The following CDH4 variants were observed in gnomAD, a reference collection of about 807,000 sequenced individuals.
The protein encoded by CDH4 is cadherin-4.
A neutral mutation model predicts 86.0 loss-of-function variants in CDH4; 33 were observed. The ratio of observed to expected loss-of-function variants is 0.38; its 90% CI spans 0.29 to 0.51. The LOEUF is 0.51. Ranked by LOEUF, CDH4 falls within the 20% of genes least tolerant of loss-of-function variation. The pLI is 0.86. For missense variants in CDH4, 1,114 were observed against 1,307.4 expected (o/e 0.85, Z 2.28); for synonymous variants, 555 against 549.4 (o/e 1.01, Z -0.14).
At chr20:61,822,236 T>C (rs1485883946) in intron 4 of CDH4, among the ~76,000 whole-genome samples, 3 of 152,232 alleles carry the variant, frequency 2.0e-5, no homozygotes, top group Non-Finnish European at 4.4e-5. Flanking sequence ...CTAGAAAAAT[T>C]GCTTGTGTAA....
chr20:61,843,710 C>T (rs946579140), intron 4 of CDH4, among the ~76,000 whole-genome samples: 5 of 151,628 alleles, frequency 3.3e-5, no homozygotes, highest in South Asian at 4.2e-4. Flanking sequence ...AAAAAAAATT[C>T]CTGTTCCATT....
At chr20:61,724,720 T>G (rs546460846) in intron 2 of CDH4, among the ~76,000 whole-genome samples, 1 of 152,312 alleles carries the variant, frequency 6.6e-6, no homozygotes, top group Admixed American at 6.5e-5. Flanking sequence ...GATTCTGTCT[T>G]GTAGTCCTTG....
intron 2 of CDH4, among the ~76,000 whole-genome samples, chr20:61,291,073 GCT>G (rs1189633281): frequency 6.6e-6 from 1 of 152,056 alleles, no homozygotes; most frequent in Non-Finnish European, 1.5e-5. Context: ...CTCACACTCA[GCT>G]CTGTCTTTTT....
intron 2 of CDH4, among the ~76,000 whole-genome samples, chr20:61,557,920 C>T (rs1400389905): frequency 2.0e-5 from 3 of 152,088 alleles, no homozygotes; most frequent in African/African-American, 7.2e-5. Flanking sequence ...GAATGAATGG[C>T]TGTATTATTA....
intron 2 of CDH4, among the ~76,000 whole-genome samples, chr20:61,387,768 G>A (rs1290024757): frequency 6.6e-6 from 1 of 152,098 alleles, no homozygotes; most frequent in Non-Finnish European, 1.5e-5. Context: ...ATCACTCCAC[G>A]GTGAAGCTTT....
intron 4 of CDH4, among the ~76,000 whole-genome samples, chr20:61,818,690 T>A (rs73141198): frequency 0.55 from 78,690 of 142,602 alleles, 22,087 homozygotes; most frequent in Non-Finnish European, 0.64. Flanking sequence ...ACTAAAAATT[T>A]AAAAAAAAAA....
intron 5 of CDH4, among the ~76,000 whole-genome samples, chr20:61,848,357 G>T (rs913211967): frequency 6.6e-6 from 1 of 152,154 alleles, no homozygotes; most frequent in Non-Finnish European, 1.5e-5. Context: ...CACACACGTT[G>T]CCTTCCCTTC....
At position 61,753,350 on chromosome 20, in the gene CDH4, T is replaced by C. The variant is rs372045162; in HGVS notation, c.396+9561T>C. On this transcript the variant is annotated intron_variant, in intron 3 of 15. Coordinates refer to ENST00000614565, the MANE Select transcript of CDH4 (RefSeq NM_001794.5). Reference sequence around the variant, plus strand: ...GGGAGCTGGGTAAAACTGACAGCTTTACAGTTAGATGAACCATAAAAATTT... The same window carrying C: ...GGGAGCTGGGTAAAACTGACAGCTTCACAGTTAGATGAACCATAAAAATTT... Among the ~76,000 whole-genome samples, 158 of 152,350 alleles carry C rather than the reference T, an allele frequency of 1.0e-3. 5 individuals carry two copies. The South Asian group carries it at 0.031, about 30-fold the overall frequency.
chr20:61,637,878 G>A (rs1017993067), intron 2 of CDH4, among the ~76,000 whole-genome samples: 4 of 152,106 alleles, frequency 2.6e-5, no homozygotes, highest in Admixed American at 6.5e-5. Context: ...AAAATTAGCC[G>A]GACATGGTGG....
intron 2 of CDH4, among the ~76,000 whole-genome samples, chr20:61,674,987 G>A (rs2087430805): frequency 6.6e-6 from 1 of 152,262 alleles, no homozygotes; most frequent in South Asian, 2.1e-4. Flanking sequence ...AAGAGACATT[G>A]TGGCCCACCC....
chr20:61,704,648 T>A (rs2087810796), intron 2 of CDH4, among the ~76,000 whole-genome samples: 1 of 152,108 alleles, frequency 6.6e-6, no homozygotes, highest in Non-Finnish European at 1.5e-5. Context: ...GCTTTTGAGT[T>A]TTCAAGATAA....
At chr20:61,394,212 C>G (rs904096575) in intron 2 of CDH4, among the ~76,000 whole-genome samples, 2 of 152,070 alleles carry the variant, frequency 1.3e-5, no homozygotes, top group Non-Finnish European at 2.9e-5. Context: ...ACCTCAGTCC[C>G]CACCGATCTC....
At chr20:61,687,399 T>C (rs1182385507) in intron 2 of CDH4, among the ~76,000 whole-genome samples, 1 of 152,096 alleles carries the variant, frequency 6.6e-6, no homozygotes, top group South Asian at 2.1e-4. Context: ...GGAATGAAGG[T>C]GTGTGAAATG....
chr20:61,848,052 G>C (rs1346359015), intron 5 of CDH4, among the ~76,000 whole-genome samples: 1 of 152,252 alleles, frequency 6.6e-6, no homozygotes, highest in African/African-American at 2.4e-5. Flanking sequence ...CATATGCAGA[G>C]CTTTGCTCAG....
chr20:61,527,829 A>G (rs1198705650), intron 2 of CDH4, among the ~76,000 whole-genome samples: 2 of 152,038 alleles, frequency 1.3e-5, no homozygotes, highest in South Asian at 2.1e-4. Flanking sequence ...CCACGCCAAC[A>G]TGACAAGACG....
intron 2 of CDH4, among the ~76,000 whole-genome samples, chr20:61,494,709 G>C (rs1179939537): frequency 6.6e-6 from 1 of 152,216 alleles, no homozygotes; most frequent in African/African-American, 2.4e-5. Context: ...CTAGTCAAAG[G>C]CATCAATTTT....
intron 2 of CDH4, among the ~76,000 whole-genome samples, chr20:61,465,872 T>C (rs6089347): frequency 0.028 from 4,313 of 152,046 alleles, 99 homozygotes; most frequent in Non-Finnish European, 0.044. Context: ...TTTCTTTTTT[T>C]TTTTTTGCAG....
In CDH4 at chr20:61,612,362, C is replaced by T. The variant is rs780775947; in HGVS notation, c.170-131201C>T. Among the ~76,000 whole-genome samples the T allele has an allele frequency of 1.3e-5, 2 of 152,024 alleles. 1 individual carries two copies. Among genetic ancestry groups the T allele is most frequent in the African/African-American group, 4.8e-5 (2 of 41,314 alleles). On this transcript the variant is annotated intron_variant, in intron 2 of 15. Transcript: ENST00000614565. Reference sequence around the variant, plus strand: ...CTGTATATTTGTAACCAATAATCAACCTCTCTTCCTGGTACTTTTGTCTAT... The same window carrying T: ...CTGTATATTTGTAACCAATAATCAATCTCTCTTCCTGGTACTTTTGTCTAT...
chr20:61,281,840 CA>C (rs1287962228), intron 2 of CDH4, among the ~76,000 whole-genome samples: 1 of 152,222 alleles, frequency 6.6e-6, no homozygotes, highest in East Asian at 1.9e-4. Flanking sequence ...TGATTGCAGA[CA>C]TGTTAGACAC....
Sources: gnomAD v4.1 joint callset for allele counts (sites outside exome capture counted in the v4.1 genomes callset) on GRCh38, gnomAD v4.1.1 for gene constraint, MANE v1.5 for transcripts, NCBI Gene and HGNC (gene_info 2026-07-23, HGNC 2026-07-21) for gene names.